Variants in MYO5A observed in about 807,000 individuals in gnomAD.
MYO5A encodes the protein unconventional myosin-Va.
In MYO5A, 98 loss-of-function variants were observed where a neutral mutation model predicts 249.7. That is an observed-to-expected ratio of 0.39 (90% confidence interval 0.33 to 0.46). The LOEUF is 0.46. Ranked by LOEUF, MYO5A falls within the 20% of genes least tolerant of loss-of-function variation. The pLI is 0.98. For missense variants in MYO5A, 1,696 were observed against 2,308.8 expected (o/e 0.73, Z 5.44); for synonymous variants, 778 against 810.6 (o/e 0.96, Z 0.68).
In MYO5A at chr15:52,370,426, A is replaced by G. The variant is rs1186465261; in HGVS notation, c.2818-9T>C. The G allele has an allele frequency of 1.2e-6, 2 of 1,606,158 alleles. No homozygotes were observed. The highest frequency in any genetic ancestry group is 1.7e-6 in the Non-Finnish European group (2 of 1,172,946). On this transcript the variant is annotated splice_polypyrimidine_tract_variant and intron_variant, in intron 21 of 41. Coordinates refer to ENST00000399233, the MANE Select transcript of MYO5A (RefSeq NM_001382347.1). ...CATTTGTAGTCTTTGTTCTTTAAAC[A>G]TACACATAAGTAACAATAAGTAAAT...
intron 34 of MYO5A, among the ~76,000 whole-genome samples, chr15:52,334,527 T>C (rs1379390750): frequency 2.0e-5 from 3 of 152,218 alleles, no homozygotes; most frequent in African/African-American, 4.8e-5. Flanking sequence ...AAGGATTATA[T>C]ATAAAGTGTG....
chr15:52,318,730 A>T (rs1481222139), intron 39 of MYO5A, among the ~76,000 whole-genome samples: 1 of 152,222 alleles, frequency 6.6e-6, no homozygotes, highest in Non-Finnish European at 1.5e-5. Context: ...AAACACACAC[A>T]TAAGGAGAGG....
At position 52,357,648 on chromosome 15, in the gene MYO5A, A is replaced by C. The variant is rs533956206; in HGVS notation, c.3423+2320T>G. 2.0e-5 allele frequency among the ~76,000 whole-genome samples: 3 copies of C among 152,298 alleles called. 1 individual carries two copies. In the South Asian group the frequency reaches 6.2e-4, roughly 32 times the overall value. ...GAGGCATAAAGAGTGGTAATTATTT[A>C]AGAGTGCTCCCGATGGTACCCATTC... is the stretch of plus-strand genomic sequence containing the variant. On this transcript the variant is annotated intron_variant, in intron 25 of 41. Coordinates refer to ENST00000399233, the MANE Select transcript of MYO5A (RefSeq NM_001382347.1).
At chr15:52,513,264 C>G (rs949738619) in intron 1 of MYO5A, among the ~76,000 whole-genome samples, 3 of 151,548 alleles carry the variant, frequency 2.0e-5, no homozygotes, top group African/African-American at 7.3e-5. Flanking sequence ...AACCCCATCT[C>G]TACTAAAAAT....
rs2037752594 is a variant in MYO5A, at chr15:52,310,943, G to A, written c.*2753C>T. 6.6e-6 allele frequency: 1 copy of A among 152,224 alleles called. No individual in the cohort carries two copies. Among genetic ancestry groups the A allele is most frequent in the Non-Finnish European group, 1.5e-5 (1 of 68,080 alleles). 9.4% of individuals were successfully genotyped at this position (152,224 alleles called of 1,614,324 possible). On this transcript the variant is annotated 3_prime_UTR_variant, in exon 42 of 42. Coordinates refer to ENST00000399233, the MANE Select transcript of MYO5A (RefSeq NM_001382347.1). ...ACTAAAAATCTCCAGGCCACCAAGA[G>A]AGGTTAATTCAGACCCCCATCTGGA...
At chr15:52,500,382 T>A (rs2077129590) in intron 1 of MYO5A, among the ~76,000 whole-genome samples, 1 of 151,446 alleles carries the variant, frequency 6.6e-6, no homozygotes, top group Non-Finnish European at 1.5e-5. Context: ...GTTTCGCTCT[T>A]TTTACCCGAG....
chr15:52,333,343 T>C (rs1333547412), intron 34 of MYO5A, among the ~76,000 whole-genome samples: 4 of 152,248 alleles, frequency 2.6e-5, no homozygotes, highest in Non-Finnish European at 1.5e-5. Context: ...TAAAAAAATT[T>C]ACTTTTGGCA....
chr15:52,421,766 A>G (rs974602304), intron 4 of MYO5A, among the ~76,000 whole-genome samples: 2 of 152,242 alleles, frequency 1.3e-5, no homozygotes, highest in Admixed American at 1.3e-4. Flanking sequence ...ATGTAAAGCT[A>G]GATCATCAGT....
chr15:52,522,338 T>G (rs747131497), intron 1 of MYO5A, among the ~76,000 whole-genome samples: 4 of 152,154 alleles, frequency 2.6e-5, no homozygotes, highest in Non-Finnish European at 5.9e-5. Context: ...TTCAAGTATA[T>G]TATACCTCAA....
At chr15:52,328,132 A>G in intron 35 of MYO5A, 126 bp from the exon 36 acceptor site, 1 of 792,110 alleles carries the variant, frequency 1.3e-6, no homozygotes, top group Non-Finnish European at 2.0e-6. Context: ...TAATATAAAA[A>G]GTGTATTTTA....
At chr15:52,490,944 C>G (rs1032051484) in intron 1 of MYO5A, among the ~76,000 whole-genome samples, 1 of 152,050 alleles carries the variant, frequency 6.6e-6, no homozygotes, top group African/African-American at 2.4e-5. Flanking sequence ...TGGTCTTGAA[C>G]TCCTGCGCTC....
At chr15:52,431,156 C>T (rs763606109) in intron 2 of MYO5A, among the ~76,000 whole-genome samples, 3 of 143,226 alleles carry the variant, frequency 2.1e-5, no homozygotes, top group Admixed American at 7.6e-5. Flanking sequence ...CATTTGAACC[C>T]GGGAGGTGGA....
intron 1 of MYO5A, among the ~76,000 whole-genome samples, chr15:52,489,662 T>G (rs750987246): frequency 2.0e-5 from 3 of 151,608 alleles, no homozygotes; most frequent in Non-Finnish European, 4.4e-5. Flanking sequence ...AAATCATATA[T>G]CTGATAAAAG....
intron 21 of MYO5A, among the ~76,000 whole-genome samples, chr15:52,371,644 T>C (rs2041121957): frequency 6.6e-6 from 1 of 152,052 alleles, no homozygotes; most frequent in Non-Finnish European, 1.5e-5. Flanking sequence ...TCCCAGTACT[T>C]TGGGAGGCTG....
At chr15:52,400,867 T>TA (rs1476855178) in intron 9 of MYO5A, among the ~76,000 whole-genome samples, 2 of 152,212 alleles carry the variant, frequency 1.3e-5, no homozygotes, top group Non-Finnish European at 2.9e-5. Flanking sequence ...GTGGGAATTC[T>TA]ATCTTTTACC....
Position 52,353,598 on chromosome 15 carries a change from C to T in MYO5A, c.3621+7G>A. ...ATTCAAAGTCTTGAGCAGAAACTCC[C>T]CATTACCTTGAGTGACTCATATTCC... is the stretch of plus-strand genomic sequence containing the variant. On this transcript the variant is annotated splice_region_variant and intron_variant, in intron 27 of 41. Transcript: ENST00000399233. 2 of 1,613,138 alleles carry T rather than the reference C, an allele frequency of 1.2e-6. No individual in the cohort carries two copies. Among genetic ancestry groups the T allele is most frequent in the South Asian group, 2.2e-5 (2 of 91,064 alleles).
intron 16 of MYO5A, among the ~76,000 whole-genome samples, chr15:52,381,573 G>C (rs1329432401): frequency 6.6e-6 from 1 of 152,118 alleles, no homozygotes; most frequent in Non-Finnish European, 1.5e-5. Context: ...TTATAGCATT[G>C]TTGGAACAAC....
chr15:52,415,839 G>C (rs921777621), intron 5 of MYO5A, among the ~76,000 whole-genome samples: 2 of 152,164 alleles, frequency 1.3e-5, no homozygotes, highest in African/African-American at 4.8e-5. Context: ...ATAGACATGA[G>C]TCAGTTAATG....
At chr15:52,415,727 T>C (rs1419318663) in intron 5 of MYO5A, among the ~76,000 whole-genome samples, 2 of 152,224 alleles carry the variant, frequency 1.3e-5, no homozygotes, top group African/African-American at 4.8e-5. Context: ...AACTCATTCA[T>C]ACTTGAGCAT....
Sources: allele counts gnomAD v4.1 joint callset (sites outside exome capture counted in the v4.1 genomes callset), GRCh38; gene constraint gnomAD v4.1.1; transcripts MANE v1.5; gene names NCBI Gene and HGNC (gene_info 2026-07-23, HGNC 2026-07-21).